The following GLDC variants were observed in gnomAD, a reference collection of about 807,000 sequenced individuals.
GLDC encodes glycine dehydrogenase (decarboxylating), mitochondrial.
GLDC carries 104 observed loss-of-function variants against 121.3 expected under a neutral mutation model. The ratio of observed to expected loss-of-function variants is 0.86; its 90% CI spans 0.73 to 1.01. The LOEUF (loss-of-function observed/expected upper bound fraction) is 1.01. GLDC is among the 50% of genes least tolerant of loss of function. The probability of loss-of-function intolerance (pLI) is 0.00; values close to 1 mark genes in which losing one functional copy is unlikely to be tolerated. For synonymous variants in GLDC, 546 were observed against 480.6 expected (o/e 1.14, Z -1.78); for missense variants, 1,429 against 1,306.6 (o/e 1.09, Z -1.44).
chr9:6,558,633 T>C lies in GLDC; in HGVS notation c.1978A>G (p.Met660Val). The C allele has an allele frequency of 1.9e-6, 3 of 1,613,968 alleles. No homozygotes were observed. Among genetic ancestry groups the C allele is most frequent in the Non-Finnish European group, 1.7e-6 (2 of 1,179,810 alleles). ...AHGTNPASAH[M>V]AGMKIQPVEV... ...ACAGGCTGAATCTTCATGCCTGCCA[T>C]GTGGGCACTTGCTGGGTTGGTCCCA... The change falls in exon 17 of 25, where the codon ATG (methionine) becomes GTG (valine). Residue 660 changes from methionine to valine, a missense_variant. By Grantham distance (21) the Met-to-Val change is conservative (BLOSUM62 1). Transcript: ENST00000321612.
chr9:6,576,097 CA>C (rs1818058888), intron 15 of GLDC, among the ~76,000 whole-genome samples: 1 of 152,200 alleles, frequency 6.6e-6, no homozygotes, highest in African/African-American at 2.4e-5. Context: ...GGCTTGGCTA[CA>C]TCAAGCAAAG....
intron 21 of GLDC, among the ~76,000 whole-genome samples, chr9:6,546,538 A>G (rs1817393582): frequency 6.6e-6 from 1 of 151,976 alleles, no homozygotes; most frequent in Non-Finnish European, 1.5e-5. Flanking sequence ...GTGTTCAGGG[A>G]CAGTAACACA....
At chr9:6,601,070 G>A (rs560263096) in intron 8 of GLDC, among the ~76,000 whole-genome samples, 1 of 152,222 alleles carries the variant, frequency 6.6e-6, no homozygotes. Flanking sequence ...TTACTCAGGA[G>A]GCTGAGGCAG....
chr9:6,574,607 C>G (rs1461196057), intron 15 of GLDC, among the ~76,000 whole-genome samples: 1 of 152,100 alleles, frequency 6.6e-6, no homozygotes, highest in Non-Finnish European at 1.5e-5. Context: ...CTTCAAAAAT[C>G]AAAATATACT....
intron 3 of GLDC, among the ~76,000 whole-genome samples, chr9:6,619,226 T>C (rs1036256937): frequency 6.7e-6 from 1 of 148,156 alleles, no homozygotes. Flanking sequence ...CTGGAATAAG[T>C]AACTGAGCAT....
intron 20 of GLDC, among the ~76,000 whole-genome samples, chr9:6,553,114 T>C (rs1483145725): frequency 2.0e-5 from 3 of 152,172 alleles, no homozygotes; most frequent in African/African-American, 7.2e-5. Flanking sequence ...ATATATCTGA[T>C]GTTTCAGTTT....
In GLDC at chr9:6,579,059, G is replaced by C. The variant is rs1818127044; in HGVS notation, c.1850+8082C>G. 2.0e-5 allele frequency among the ~76,000 whole-genome samples: 3 copies of C among 152,208 alleles called. No individual in the cohort carries two copies. The South Asian group carries it at 6.2e-4, about 32-fold the overall frequency. ...CTATGTTTTTAAATTTGTTGACACA[G>C]GGTAGCATATACTATTCCTTTATAA... On this transcript the variant is annotated intron_variant, in intron 15 of 24. Transcript: ENST00000321612.
intron 16 of GLDC, among the ~76,000 whole-genome samples, chr9:6,564,427 A>C (rs998420067): frequency 6.6e-6 from 1 of 152,190 alleles, no homozygotes; most frequent in Non-Finnish European, 1.5e-5. Flanking sequence ...GCAACTAGCC[A>C]TAAGTAACCT....
At chr9:6,614,261 G>C (rs112511855) in intron 3 of GLDC, among the ~76,000 whole-genome samples, 2 of 152,066 alleles carry the variant, frequency 1.3e-5, no homozygotes, top group Non-Finnish European at 2.9e-5. Context: ...TTGAGACAGA[G>C]TCTTGCTCTG....
rs77470516 is a variant in GLDC at position 6,585,391 on chromosome 9, A to G, written c.1850+1750T>C. On this transcript the variant is annotated intron_variant, in intron 15 of 24. Coordinates refer to ENST00000321612, the MANE Select transcript of GLDC (RefSeq NM_000170.3). ...TAGACTCAAGGTTCAGAATTCACTG[A>G]GGTTTGTCTCTTAAAACAAAACAAA... Among the ~76,000 whole-genome samples the G allele has an allele frequency of 8.5e-5, 13 of 152,362 alleles. No individual in the cohort carries two copies. The East Asian group carries it at 2.5e-3, about 29-fold the overall frequency.
At chr9:6,620,458 A>G in intron 2 of GLDC, 139 bp from the exon 3 acceptor site, 2 of 743,904 alleles carry the variant, frequency 2.7e-6, no homozygotes, top group Non-Finnish European at 4.7e-6. Flanking sequence ...CATCCAACCA[A>G]CACTAAGTAC....
intron 21 of GLDC, among the ~76,000 whole-genome samples, chr9:6,549,696 G>T (rs1193195626): frequency 6.6e-6 from 1 of 152,104 alleles, no homozygotes; most frequent in African/African-American, 2.4e-5. Context: ...CTTCCAGGGT[G>T]ACTTTGTTCC....
At position 6,644,145 on chromosome 9, in the gene GLDC, G is replaced by C. The variant is rs572396177; in HGVS notation, c.334+469C>G. Among the ~76,000 whole-genome samples the C allele has an allele frequency of 6.2e-4, 93 of 150,942 alleles. 1 individual carries two copies. The highest frequency in any genetic ancestry group is 6.9e-3 in the Middle Eastern group (2 of 290). On this transcript the variant is annotated intron_variant, in intron 2 of 24. Coordinates refer to ENST00000321612, the MANE Select transcript of GLDC (RefSeq NM_000170.3). ...ATAATAAAATTTGGACGTGAGGTAAGAAAACAATTGGAAGATACTGCGATC... is the reference window on the plus strand; with the variant it reads ...ATAATAAAATTTGGACGTGAGGTAACAAAACAATTGGAAGATACTGCGATC...
At chr9:6,597,881 G>A (rs967658896) in intron 8 of GLDC, among the ~76,000 whole-genome samples, 2 of 152,062 alleles carry the variant, frequency 1.3e-5, no homozygotes, top group Admixed American at 1.3e-4. Flanking sequence ...GCTTCAGTGA[G>A]CGAGATGGCG....
intron 11 of GLDC, 42 bp downstream of exon 11, chr9:6,592,101 C>G (rs1455803517): frequency 8.2e-7 from 1 of 1,222,686 alleles, no homozygotes; most frequent in Non-Finnish European, 1.2e-6. Context: ...GCTACCACCT[C>G]CAATAGTTAT....
rs192651311 is a variant in GLDC at position 6,579,863 on chromosome 9, C to T, written c.1850+7278G>A. 3.0e-3 allele frequency among the ~76,000 whole-genome samples: 450 copies of T among 152,278 alleles called. 3 individuals are homozygous for T. Among genetic ancestry groups the T allele is most frequent in the African/African-American group, 0.01 (424 of 41,558 alleles). ...CTGTTGCTGGGTCCAGTGAAGTGTG[C>T]AACTAAAATTTTCCCTTTGCTGGCT... is the stretch of plus-strand genomic sequence containing the variant. On this transcript the variant is annotated intron_variant, in intron 15 of 24. Transcript: ENST00000321612.
At chr9:6,589,172 G>C (rs1394508531) in intron 12 of GLDC, 23 bp downstream of exon 12, 2 of 1,415,196 alleles carry the variant, frequency 1.4e-6, no homozygotes, top group Non-Finnish European at 1.0e-6. Flanking sequence ...ACAAAACGCA[G>C]AAGTCACACA....
intron 22 of GLDC, among the ~76,000 whole-genome samples, chr9:6,537,350 C>T (rs1003280937): frequency 1.3e-5 from 2 of 152,182 alleles, no homozygotes; most frequent in Non-Finnish European, 2.9e-5. Flanking sequence ...AGAACAACTC[C>T]CAGGTTGATA....
At position 6,592,792 on chromosome 9, in the gene GLDC, T is replaced by C. The variant is rs547889027; in HGVS notation, c.1401+59A>G. ...TTTTAAAAACAAAGAGAAAACCTTT[T>C]AATGAGAAACAATGTGAAAATTTGA... On this transcript the variant is annotated intron_variant, in intron 10 of 24. Coordinates refer to ENST00000321612, the MANE Select transcript of GLDC (RefSeq NM_000170.3). The C allele has an allele frequency of 8.7e-6, 13 of 1,498,706 alleles. No homozygotes were observed. The African/African-American group carries it at 1.8e-4, about 21-fold the overall frequency. The allele number at this position is 1,498,706 out of a possible 1,614,324, so 92.8% of individuals were successfully genotyped here.
Sources: gnomAD v4.1 joint callset for allele counts (sites outside exome capture counted in the v4.1 genomes callset) on GRCh38, gnomAD v4.1.1 for gene constraint, MANE v1.5 for transcripts, NCBI Gene and HGNC (gene_info 2026-07-23, HGNC 2026-07-21) for gene names.